FGD4: variants seen among roughly 807,000 people sequenced by gnomAD.
FGD4 encodes FYVE, RhoGEF and PH domain-containing protein 4.
FGD4 carries 42 observed loss-of-function variants against 102.0 expected under a neutral mutation model. The observed-to-expected ratio is 0.41, with a 90% CI of 0.32 to 0.53. FGD4 has a LOEUF of 0.53. Ranked by LOEUF, FGD4 falls within the 20% of genes least tolerant of loss-of-function variation. The probability of loss-of-function intolerance (pLI) is 0.21; values close to 1 mark genes in which losing one functional copy is unlikely to be tolerated. For missense variants in FGD4, 902 were observed against 1,078.2 expected, an observed-to-expected ratio of 0.84 and a Z score of 2.29; for synonymous variants, 380 against 375.7, an observed-to-expected ratio of 1.01 and a Z score of -0.13.
At chr12:32,455,643 G>A (rs1942927594) in intron 1 of FGD4, among the ~76,000 whole-genome samples, 1 of 151,988 alleles carries the variant, frequency 6.6e-6, no homozygotes, top group South Asian at 2.1e-4. Context: ...AAATTTGAGG[G>A]TATGTGATTT....
chr12:32,451,923 A>G (rs1464248683), intron 1 of FGD4, among the ~76,000 whole-genome samples: 1 of 149,828 alleles, frequency 6.7e-6, no homozygotes, highest in African/African-American at 2.5e-5. Context: ...AGAGTTTCCT[A>G]CCTGCCCGAG....
At chr12:32,604,668 C>T (rs1948649493) in intron 7 of FGD4, among the ~76,000 whole-genome samples, 1 of 152,132 alleles carries the variant, frequency 6.6e-6, no homozygotes, top group Admixed American at 6.6e-5. Flanking sequence ...GTATGTTGCC[C>T]ACCACTCCAA....
intron 1 of FGD4, among the ~76,000 whole-genome samples, chr12:32,531,098 C>T (rs1941770820): frequency 1.3e-5 from 2 of 151,298 alleles, no homozygotes; most frequent in Non-Finnish European, 2.9e-5. Flanking sequence ...ACTACAGGCG[C>T]GTGCCACCAT....
intron 15 of FGD4, among the ~76,000 whole-genome samples, chr12:32,633,967 G>A (rs1309492007): frequency 6.6e-6 from 1 of 152,240 alleles, no homozygotes; most frequent in Non-Finnish European, 1.5e-5. Flanking sequence ...ACAGGCATGA[G>A]CCAACGCACC....
intron 1 of FGD4, among the ~76,000 whole-genome samples, chr12:32,450,662 C>T (rs1238543472): frequency 6.6e-6 from 1 of 152,136 alleles, no homozygotes; most frequent in African/African-American, 2.4e-5. Flanking sequence ...AAGGTTGTTT[C>T]TCCTTTCAGG....
At chr12:32,495,609 T>C (rs1216695484) in intron 1 of FGD4, among the ~76,000 whole-genome samples, 3 of 149,374 alleles carry the variant, frequency 2.0e-5, no homozygotes, top group African/African-American at 7.5e-5. Flanking sequence ...GGCAGGAGAA[T>C]GTTGTGAGCC....
At chr12:32,464,344 G>A (rs1199983113) in intron 1 of FGD4, among the ~76,000 whole-genome samples, 1 of 152,008 alleles carries the variant, frequency 6.6e-6, no homozygotes, top group Non-Finnish European at 1.5e-5. Flanking sequence ...GTAGAGACAG[G>A]GTTTCACCGT....
At chr12:32,511,538 G>A (rs1423045877) in intron 1 of FGD4, among the ~76,000 whole-genome samples, 1 of 152,098 alleles carries the variant, frequency 6.6e-6, no homozygotes, top group South Asian at 2.1e-4. Context: ...TCCTGACTTC[G>A]TGATCCGCCC....
At chr12:32,428,083 G>A (rs1371230952) in intron 1 of FGD4, among the ~76,000 whole-genome samples, 3 of 152,146 alleles carry the variant, frequency 2.0e-5, no homozygotes, top group Admixed American at 6.5e-5. Context: ...GTATTGTTAT[G>A]TGTGAATTTG....
At chr12:32,423,482 C>CT (rs1941721392) in intron 1 of FGD4, among the ~76,000 whole-genome samples, 1 of 150,488 alleles carries the variant, frequency 6.6e-6, no homozygotes, top group Non-Finnish European at 1.5e-5. Flanking sequence ...ATCCCAGCTA[C>CT]TTGGGAGGCC....
intron 1 of FGD4, among the ~76,000 whole-genome samples, chr12:32,487,861 C>T (rs547716691): frequency 5.3e-5 from 8 of 152,320 alleles, no homozygotes; most frequent in East Asian, 1.9e-4. Context: ...CCACCACACC[C>T]GCATTAGCCA....
chr12:32,572,749 G>C (rs1286707912), intron 2 of FGD4, among the ~76,000 whole-genome samples: 1 of 152,020 alleles, frequency 6.6e-6, no homozygotes, highest in Non-Finnish European at 1.5e-5. Flanking sequence ...TTATAATATA[G>C]TCTTCATAAT....
At chr12:32,615,073 C>A (rs1443284484) in intron 10 of FGD4, among the ~76,000 whole-genome samples, 1 of 152,088 alleles carries the variant, frequency 6.6e-6, no homozygotes. Context: ...TTGAGACAAC[C>A]TAAATGTCCA....
At chr12:32,469,735 T>C (rs1294621046) in intron 1 of FGD4, among the ~76,000 whole-genome samples, 2 of 151,282 alleles carry the variant, frequency 1.3e-5, no homozygotes, top group Non-Finnish European at 3.0e-5. Flanking sequence ...TCTCGACTCA[T>C]CGCAACCTCT....
In FGD4 at chr12:32,530,941, G is replaced by GTTTTTTTTTTT. The variant is rs768536136; in HGVS notation, c.167-33177_167-33167dup. Among the ~76,000 whole-genome samples the GTTTTTTTTTTT allele has an allele frequency of 1.8e-3, 129 of 70,484 alleles. 18 individuals carry two copies. The highest frequency in any genetic ancestry group is 6.1e-3 in the African/African-American group (89 of 14,496). 46.2% of individuals were successfully genotyped at this position (70,484 alleles called of 152,430 possible). A position where few individuals can be genotyped will look rare whatever the true frequency, so the allele number is the denominator to read the frequency against. On this transcript the variant is annotated intron_variant, in intron 1 of 16. Coordinates refer to ENST00000534526, the MANE Select transcript of FGD4 (RefSeq NM_001370298.3). The stretch of plus-strand genomic sequence containing the variant: ...TATGACAATCAGTTTCCTAGCTTTG[G>GTTTTTTTTTTT]TTTTTTTTTTTTTTTTTTTTTTTTT...
At chr12:32,556,230 A>T (rs1399267525) in intron 1 of FGD4, among the ~76,000 whole-genome samples, 1 of 152,182 alleles carries the variant, frequency 6.6e-6, no homozygotes, top group Admixed American at 6.5e-5. Context: ...TTCCTTGGTT[A>T]AACAAGGGGT....
chr12:32,569,548 C>T (rs1394482546), intron 2 of FGD4, among the ~76,000 whole-genome samples: 3 of 152,174 alleles, frequency 2.0e-5, no homozygotes, highest in East Asian at 1.9e-4. Flanking sequence ...CAGCTTTTCA[C>T]GGAGGCCTGA....
At chr12:32,514,329 T>G (rs758385174) in intron 1 of FGD4, among the ~76,000 whole-genome samples, 5 of 152,140 alleles carry the variant, frequency 3.3e-5, no homozygotes, top group Non-Finnish European at 5.9e-5. Flanking sequence ...AAGAAGGAAG[T>G]ATTTCAGTGT....
intron 1 of FGD4, among the ~76,000 whole-genome samples, chr12:32,500,392 T>TTTTATTTTTATTTTA (rs1379808269): frequency 8.1e-5 from 11 of 135,328 alleles, no homozygotes; most frequent in African/African-American, 3.1e-4. Context: ...TTTTATTTTA[T>TTTTATTTTTATTTTA]TTTTATTTTA....
Sources: allele counts gnomAD v4.1 joint callset (sites outside exome capture counted in the v4.1 genomes callset), GRCh38; gene constraint gnomAD v4.1.1; transcripts MANE v1.5; gene names NCBI Gene and HGNC (gene_info 2026-07-23, HGNC 2026-07-21).